The following PMPCA variants were observed in gnomAD, a reference collection of about 807,000 sequenced individuals.
PMPCA encodes the protein peptidase, mitochondrial processing subunit alpha.
PMPCA carries 47 observed loss-of-function variants against 59.3 expected under a neutral mutation model. The observed-to-expected ratio is 0.79, with a 90% CI of 0.63 to 1.01. PMPCA has a LOEUF of 1.01. Ranked by LOEUF, PMPCA falls within the 50% of genes least tolerant of loss-of-function variation. The pLI, the probability that PMPCA is intolerant of heterozygous loss-of-function variation, is 0.00. For synonymous variants in PMPCA, 338 were observed against 290.3 expected (o/e 1.16, Z -1.67); for missense variants, 726 against 704.5 (o/e 1.03, Z -0.34).
At position 136,417,191 on chromosome 9, in the gene PMPCA, C is replaced by G. The variant is rs1353558121; in HGVS notation, c.874C>G (p.Gln292Glu). 2 of 1,594,716 alleles carry G rather than the reference C, an allele frequency of 1.3e-6. No individual in the cohort carries two copies. The highest frequency in any genetic ancestry group is 3.4e-5 in the Admixed American group (2 of 58,952). Residue 292 changes from glutamine (Q) to glutamate (E), a missense_variant, in exon 7 of 13, where the codon CAG becomes GAG. By Grantham distance (29) the Gln-to-Glu change is conservative (BLOSUM62 2). Coordinates refer to ENST00000371717, the MANE Select transcript of PMPCA (RefSeq NM_015160.3). ...CGTGGATATTGACAGATCTGTGGCC[C>G]AGTACACTGGGGGGATTGCCAAGGT... ...EAVDIDRSVAQYTGGIAKLER... is the reference protein window; with the variant it reads ...EAVDIDRSVAEYTGGIAKLER...
chr9:136,422,690 T>G, intron 12 of PMPCA: 1 of 1,038,688 alleles, frequency 9.6e-7, no homozygotes, highest in South Asian at 3.6e-5. Context: ...CTGGACCCTA[T>G]CACTCCTGTC....
chr9:136,415,272 G>T (rs1371675769), intron 5 of PMPCA, among the ~76,000 whole-genome samples: 1 of 152,214 alleles, frequency 6.6e-6, no homozygotes, highest in Non-Finnish European at 1.5e-5. Context: ...ACTGGTGATT[G>T]TAAAAGTCCT....
At chr9:136,422,524 G>A (rs967610841) in intron 12 of PMPCA, 1 of 1,022,152 alleles carries the variant, frequency 9.8e-7, no homozygotes, top group African/African-American at 1.7e-5. Flanking sequence ...CGGGCTTATG[G>A]TGTCACCTGT....
At chr9:136,423,020 CGT>C in intron 12 of PMPCA, 73 bp from the exon 13 acceptor site, 1 of 1,511,720 alleles carries the variant, frequency 6.6e-7, no homozygotes, top group East Asian at 2.4e-5. Context: ...CCGCCCCCTC[CGT>C]GTGTTTACTG....
chr9:136,412,157 G>T lies in PMPCA; in HGVS notation c.232G>T (p.Val78Leu). Reference protein sequence around the residue: ...KVTTLDNGLRVASQNKFGQFC... With the variant: ...KVTTLDNGLRLASQNKFGQFC... Reference sequence around the variant, plus strand: ...AACCACATTGGATAATGGGCTTCGCGTGGCATCTCAGAATAAGTTTGGACA... The same window carrying T: ...AACCACATTGGATAATGGGCTTCGCTTGGCATCTCAGAATAAGTTTGGACA... Residue 78 changes from valine to leucine, a missense_variant, in exon 2 of 13, where the codon GTG becomes TTG. By Grantham distance (32) the Val-to-Leu change is conservative. Coordinates refer to ENST00000371717, the MANE Select transcript of PMPCA (RefSeq NM_015160.3). 6.2e-7 allele frequency: 1 copy of T among 1,614,062 alleles called. No individual in the cohort carries two copies. Among genetic ancestry groups the T allele is most frequent in the East Asian group, 2.2e-5 (1 of 44,894 alleles).
Position 136,412,580 on chromosome 9 carries a change from A to G in PMPCA, c.354+11A>G, listed in dbSNP as rs751689255. Reference sequence around the variant, plus strand: ...AAATTGGCATTTTCGGTCAGTACCCAGTTTTGTAATTTTTTAGACTATACT... The same window carrying G: ...AAATTGGCATTTTCGGTCAGTACCCGGTTTTGTAATTTTTTAGACTATACT... On this transcript the variant is annotated intron_variant, in intron 3 of 12. Transcript: ENST00000371717. 9 of 1,457,472 alleles carry G rather than the reference A, an allele frequency of 6.2e-6. No individual in the cohort carries two copies. In the East Asian group the frequency reaches 2.0e-4, roughly 33 times the overall value. 90.3% of individuals were successfully genotyped at this position (1,457,472 alleles called of 1,614,324 possible). A position where few individuals can be genotyped will look rare whatever the true frequency, so the allele number is the denominator to read the frequency against.
At chr9:136,418,981 C>G (rs1554790350) in intron 10 of PMPCA, 63 bp downstream of exon 10, 1 of 1,602,200 alleles carries the variant, frequency 6.2e-7, no homozygotes. Context: ...GCGTCCCTGC[C>G]TAGACGGGTC....
intron 8 of PMPCA, 142 bp from the exon 9 acceptor site, chr9:136,418,413 T>C: frequency 2.9e-6 from 2 of 696,446 alleles, no homozygotes; most frequent in Non-Finnish European, 2.6e-6. Context: ...CTCAGCCAGC[T>C]CTGCCCTCCG....
Position 136,423,322 on chromosome 9 carries a change from T to TGC in PMPCA, c.*59_*60insCG, listed in dbSNP as rs1835516600. The TGC allele has an allele frequency of 6.5e-7, 1 of 1,539,194 alleles. No individual in the cohort carries two copies. Among genetic ancestry groups the TGC allele is most frequent in the Admixed American group, 1.9e-5 (1 of 52,540 alleles). ...TGCAGCTGGAGCCCGTTCCCGTGCG[T>TGC]GTTAGTTTGGACACGAATTTAGTCT... On this transcript the variant is annotated 3_prime_UTR_variant, in exon 13 of 13. Transcript: ENST00000371717.
intron 4 of PMPCA, chr9:136,413,104 G>T: frequency 1.9e-6 from 1 of 522,272 alleles, no homozygotes; most frequent in Non-Finnish European, 3.4e-6. Flanking sequence ...GTTCCTCCAG[G>T]CTGTTGGCTG....
intron 4 of PMPCA, among the ~76,000 whole-genome samples, chr9:136,413,894 T>C (rs919042574): frequency 2.0e-5 from 3 of 152,194 alleles, no homozygotes; most frequent in Non-Finnish European, 4.4e-5. Flanking sequence ...CCTCCCAAGC[T>C]CCCTCTTCTT....
chr9:136,417,340 A>G, intron 7 of PMPCA, 126 bp downstream of exon 7: 1 of 728,640 alleles, frequency 1.4e-6, no homozygotes, highest in Non-Finnish European at 2.2e-6. Flanking sequence ...TTGCCTTAAC[A>G]CATGCTGTAG....
rs1325528506 is a variant in PMPCA, at chr9:136,417,177, A to C, written c.860A>C (p.Asp287Ala). The stretch of plus-strand genomic sequence containing the variant: ...GGGAGCGCAGAGGCCGTGGATATTG[A>C]CAGATCTGTGGCCCAGTACACTGGG... Reference protein sequence around the residue: ...AWGSAEAVDIDRSVAQYTGGI... With the variant: ...AWGSAEAVDIARSVAQYTGGI... The change falls in exon 7 of 13, where the codon GAC becomes GCC. Residue 287 changes from aspartate to alanine, a missense_variant. Coordinates refer to ENST00000371717, the MANE Select transcript of PMPCA (RefSeq NM_015160.3). 1 of 1,605,258 alleles carries C rather than the reference A, an allele frequency of 6.2e-7. No individual in the cohort carries two copies.
chr9:136,416,877 G>T lies in PMPCA; in HGVS notation c.634-74G>T, dbSNP rs986298755. The stretch of plus-strand genomic sequence containing the variant: ...TTCCCAGGGCTGGCTGCAGATGGGC[G>T]CTGGTGCTGCTTGTTGGAGGAAGCC... On this transcript the variant is annotated intron_variant, in intron 6 of 12. Coordinates refer to ENST00000371717, the MANE Select transcript of PMPCA (RefSeq NM_015160.3). The T allele has an allele frequency of 2.4e-5, 34 of 1,431,768 alleles. No homozygotes were observed. In the East Asian group the frequency reaches 7.2e-4, roughly 30 times the overall value. 88.7% of individuals were successfully genotyped at this position (1,431,768 alleles called of 1,614,324 possible). A position where few individuals can be genotyped will look rare whatever the true frequency, so the allele number is the denominator to read the frequency against.
In PMPCA at chr9:136,418,038, G is replaced by A. The variant is rs1250743860; in HGVS notation, c.919G>A (p.Val307Ile). 1.9e-6 allele frequency: 3 copies of A among 1,613,718 alleles called. No individual in the cohort carries two copies. Among genetic ancestry groups the A allele is most frequent in the East Asian group, 2.2e-5 (1 of 44,872 alleles). Residue 307 changes from valine (V) to isoleucine (I), a missense_variant, in exon 8 of 13, where the codon GTC (valine) becomes ATC (isoleucine). Coordinates refer to ENST00000371717, the MANE Select transcript of PMPCA (RefSeq NM_015160.3). Reference sequence around the variant, plus strand: ...ACAGCTAGAAAGAGACATGTCCAATGTCAGCCTGGGCCCGACCCCCATCCC... The same window carrying A: ...ACAGCTAGAAAGAGACATGTCCAATATCAGCCTGGGCCCGACCCCCATCCC... ...IAKLERDMSN[V>I]SLGPTPIPEL...
chr9:136,411,127 G>A (rs1378688441), intron 1 of PMPCA: 1 of 205,964 alleles, frequency 4.9e-6, no homozygotes, highest in Non-Finnish European at 9.7e-6. Context: ...CGGTTGCTGC[G>A]GTCTGTCCGT....
chr9:136,415,789 C>T (rs1056550868), intron 5 of PMPCA, among the ~76,000 whole-genome samples: 6 of 152,328 alleles, frequency 3.9e-5, no homozygotes, highest in African/African-American at 7.2e-5. Context: ...CCCGCCACCG[C>T]GCCCAGTTAA....
At chr9:136,412,377 C>T (rs182785497) in intron 2 of PMPCA, 113 bp from the exon 3 acceptor site, 3 of 749,248 alleles carry the variant, frequency 4.0e-6, no homozygotes, top group Admixed American at 2.2e-5. Flanking sequence ...CACAATCACC[C>T]TCATGTAATT....
At chr9:136,410,966 C>G (rs375186250) in intron 1 of PMPCA, among the ~76,000 whole-genome samples, 15 of 152,352 alleles carry the variant, frequency 9.8e-5, no homozygotes, top group East Asian at 9.7e-4. Context: ...TCCTCTCCCC[C>G]CCTCACTTCC....
Sources: gnomAD v4.1 joint callset for allele counts (sites outside exome capture counted in the v4.1 genomes callset) on GRCh38, gnomAD v4.1.1 for gene constraint, MANE v1.5 for transcripts, NCBI Gene and HGNC (gene_info 2026-07-23, HGNC 2026-07-21) for gene names.